The following ASAP2 variants were observed in gnomAD, a reference collection of about 807,000 sequenced individuals.
ASAP2 encodes ArfGAP with SH3 domain, ankyrin repeat and PH domain 2.
Under a neutral mutation model 131.4 loss-of-function variants are expected in ASAP2, and 45 were observed. The ratio of observed to expected loss-of-function variants is 0.34; its 90% confidence interval spans 0.27 to 0.44. The LOEUF (loss-of-function observed/expected upper bound fraction) is 0.44, where lower values mean the gene tolerates loss of function less well. ASAP2 is among the 20% of genes least tolerant of loss of function. The pLI is 1.00. For synonymous variants in ASAP2, 510 were observed against 503.0 expected (o/e 1.01, Z -0.19); for missense variants, 1,011 against 1,297.0 (o/e 0.78, Z 3.39).
At chr2:9,382,805 C>G (rs538088399) in intron 20 of ASAP2, among the ~76,000 whole-genome samples, 1 of 152,340 alleles carries the variant, frequency 6.6e-6, no homozygotes, top group South Asian at 2.1e-4. Flanking sequence ...GGTTCTCCCC[C>G]GACCCCATAC....
At chr2:9,383,176 A>C (rs1327865311) in intron 20 of ASAP2, among the ~76,000 whole-genome samples, 1 of 152,078 alleles carries the variant, frequency 6.6e-6, no homozygotes, top group Non-Finnish European at 1.5e-5. Context: ...CAAAAGTCTG[A>C]AAAAATATCT....
At chr2:9,350,186 C>T (rs778742052) in intron 11 of ASAP2, among the ~76,000 whole-genome samples, 1 of 151,880 alleles carries the variant, frequency 6.6e-6, no homozygotes. Context: ...ATGTTGTGAT[C>T]GCTTGGTGTC....
rs556318316 is a variant in ASAP2 at position 9,376,796 on chromosome 2, C to A, written c.1747-112C>A. 5.5e-5 allele frequency: 54 copies of A among 975,812 alleles called. No homozygotes were observed. In the African/African-American group the frequency reaches 7.5e-4, roughly 14 times the overall value. 60.4% of individuals were successfully genotyped at this position (975,812 alleles called of 1,614,324 possible). ...GACTCTATGTAAGAGATAAGTTTCT[C>A]GAAGGGAAAGATAAAAGACTTTTGG... On this transcript the variant is annotated intron_variant, in intron 17 of 27. Transcript: ENST00000281419.
At chr2:9,394,399 C>G (rs149961030) in intron 24 of ASAP2, among the ~76,000 whole-genome samples, 3,821 of 152,116 alleles carry the variant, frequency 0.025, 80 homozygotes, top group Non-Finnish European at 0.036. Flanking sequence ...CTCCTGACCT[C>G]GTGATCCACC....
chr2:9,301,522 T>C (rs868489644), intron 3 of ASAP2, among the ~76,000 whole-genome samples: 4 of 152,248 alleles, frequency 2.6e-5, no homozygotes, highest in African/African-American at 7.2e-5. Context: ...ACCTCTGTGC[T>C]GAGAAGTGGC....
At chr2:9,362,688 T>A (rs1268926838) in intron 15 of ASAP2, among the ~76,000 whole-genome samples, 1 of 151,982 alleles carries the variant, frequency 6.6e-6, no homozygotes, top group African/African-American at 2.4e-5. Flanking sequence ...AATAATTTTT[T>A]AAAACTAGCT....
chr2:9,323,325 C>T (rs12475160), intron 6 of ASAP2, 75 bp downstream of exon 6: 1,000,384 of 1,575,922 alleles, frequency 0.63, 322,929 homozygotes, highest in East Asian at 0.84. Context: ...AGCATCTCAC[C>T]GGTACCAGCG....
chr2:9,234,748 G>T (rs560344878), intron 1 of ASAP2, among the ~76,000 whole-genome samples: 1 of 152,350 alleles, frequency 6.6e-6, no homozygotes, highest in African/African-American at 2.4e-5. Context: ...GTGGAATAAA[G>T]TCTGGTCAGC....
intron 1 of ASAP2, among the ~76,000 whole-genome samples, chr2:9,237,169 A>G (rs958514640): frequency 1.3e-5 from 2 of 151,692 alleles, no homozygotes; most frequent in Non-Finnish European, 2.9e-5. Flanking sequence ...TTTTTAAAAA[A>G]AGAGAGTTAA....
At chr2:9,209,926 C>A (rs1661414172) in intron 1 of ASAP2, among the ~76,000 whole-genome samples, 1 of 152,216 alleles carries the variant, frequency 6.6e-6, no homozygotes, top group Admixed American at 6.5e-5. Context: ...AATGTAGGTT[C>A]TATCTGCCAA....
intron 14 of ASAP2, among the ~76,000 whole-genome samples, chr2:9,357,253 C>T (rs561074963): frequency 3.1e-4 from 47 of 151,120 alleles, no homozygotes; most frequent in Non-Finnish European, 6.3e-4. Flanking sequence ...CTGAGGCGGG[C>T]GGATCACTTG....
At position 9,207,018 on chromosome 2, in the gene ASAP2, G is replaced by C. The variant is rs1387399353; in HGVS notation, c.-87G>C. 3.6e-6 allele frequency: 4 copies of C among 1,118,396 alleles called. No individual in the cohort carries two copies. The highest frequency in any genetic ancestry group is 3.3e-6 in the Non-Finnish European group (3 of 911,380). The allele number at this position is 1,118,396 out of a possible 1,614,324, so 69.3% of individuals were successfully genotyped here. ...GGGCCGGAGCGGCGGCGGCAGCGGC[G>C]GTGTCCGAGCGGCGGTCGGAGCCTG... On this transcript the variant is annotated 5_prime_UTR_variant, in exon 1 of 28. Coordinates refer to ENST00000281419, the MANE Select transcript of ASAP2 (RefSeq NM_003887.3). This position sits in a 1 kb window ranked among gnomAD's most constrained non-coding sequence, Gnocchi z 4.1.
At chr2:9,323,039 T>C in intron 5 of ASAP2, 82 bp from the exon 6 acceptor site, 1 of 1,554,034 alleles carries the variant, frequency 6.4e-7, no homozygotes, top group Non-Finnish European at 8.8e-7. Context: ...CTCGCCAGGC[T>C]GGGTACTGGG....
chr2:9,331,106 C>T (rs1025801716), intron 7 of ASAP2, among the ~76,000 whole-genome samples: 1 of 152,228 alleles, frequency 6.6e-6, no homozygotes, highest in African/African-American at 2.4e-5. Context: ...GCTTCTCGCC[C>T]CCAAGGGCAC....
intron 6 of ASAP2, among the ~76,000 whole-genome samples, chr2:9,325,263 T>C (rs758863511): frequency 1.3e-4 from 20 of 152,186 alleles, no homozygotes; most frequent in Non-Finnish European, 2.2e-4. Context: ...GCCTACCTCA[T>C]AGAGTGGCAG....
intron 3 of ASAP2, among the ~76,000 whole-genome samples, chr2:9,302,694 C>T (rs1040561788): frequency 1.3e-5 from 2 of 152,038 alleles, no homozygotes; most frequent in Admixed American, 6.6e-5. Flanking sequence ...AGGCTGGTCT[C>T]GAACTCCTGA....
intron 11 of ASAP2, among the ~76,000 whole-genome samples, chr2:9,348,850 A>G (rs1236580164): frequency 2.0e-5 from 3 of 152,126 alleles, no homozygotes; most frequent in African/African-American, 4.8e-5. Context: ...TAGTAATTTA[A>G]GTTGTGGTTC....
In ASAP2 at chr2:9,356,231, A is replaced by G; in HGVS notation, c.1213A>G (p.Lys405Glu). The G allele has an allele frequency of 6.2e-7, 1 of 1,614,148 alleles. No homozygotes were observed. The highest frequency in any genetic ancestry group is 1.1e-5 in the South Asian group (1 of 91,074). Residue 405 changes from lysine (K) to glutamate (E), a missense_variant, in exon 14 of 28, where the codon AAG becomes GAG. Physicochemically the swap from Lys to Glu is moderately conservative, Grantham distance 56. Transcript: ENST00000281419. ...SKEEALNNAFKGDDNTGENNI... is the reference protein window; with the variant it reads ...SKEEALNNAFEGDDNTGENNI... Reference sequence around the variant, plus strand: ...AGAAGAAGCTTTAAACAATGCATTTAAGGGGGATGACAATACTGGAGAAAA... The same window carrying G: ...AGAAGAAGCTTTAAACAATGCATTTGAGGGGGATGACAATACTGGAGAAAA...
chr2:9,250,239 C>T (rs1162145883), intron 1 of ASAP2, among the ~76,000 whole-genome samples: 3 of 152,170 alleles, frequency 2.0e-5, no homozygotes, highest in Non-Finnish European at 4.4e-5. Context: ...TAAAACTCCA[C>T]AAACTGTAAG....
Sources: allele counts gnomAD v4.1 joint callset (sites outside exome capture counted in the v4.1 genomes callset), GRCh38; gene constraint gnomAD v4.1.1; non-coding constraint Gnocchi (gnomAD v3.1); transcripts MANE v1.5; gene names NCBI Gene and HGNC (gene_info 2026-07-23, HGNC 2026-07-21).